Variants in PRRC1 observed in about 807,000 individuals in gnomAD.
PRRC1 encodes protein PRRC1.
A neutral mutation model predicts 40.7 loss-of-function variants in PRRC1; 39 were observed. That is an observed-to-expected ratio of 0.96 (90% confidence interval 0.74 to 1.25). PRRC1 has a LOEUF of 1.25. Among genes scored for constraint, PRRC1 ranks in the 50% most tolerant of loss-of-function variants. The pLI is 0.00. For synonymous variants in PRRC1, 175 were observed against 193.3 expected (o/e 0.91, Z 0.79); for missense variants, 573 against 548.3 (o/e 1.05, Z -0.45).
In PRRC1 at chr5:127,553,588, A is replaced by T. The variant is rs1768448463; in HGVS notation, c.*1672A>T. 1.5e-6 allele frequency: 2 copies of T among 1,311,164 alleles called. No homozygotes were observed. The highest frequency in any genetic ancestry group is 3.0e-4 in the Middle Eastern group (1 of 3,306). 81.2% of individuals were successfully genotyped at this position (1,311,164 alleles called of 1,614,324 possible). ...AGTATTTTATCATGGCAATGGCATG[A>T]TGACAACAACAGTCTTTCATTACAG... On this transcript the variant is annotated 3_prime_UTR_variant, in exon 9 of 9. Transcript: ENST00000296666.
chr5:127,530,496 T>C, intron 5 of PRRC1, 100 bp downstream of exon 5: 1 of 624,258 alleles, frequency 1.6e-6, no homozygotes, highest in Non-Finnish European at 2.7e-6. Flanking sequence ...ACTGATTGTG[T>C]AATCAGTGGA....
chr5:127,530,525 G>T, intron 5 of PRRC1, 129 bp downstream of exon 5: 4 of 483,788 alleles, frequency 8.3e-6, no homozygotes, highest in Non-Finnish European at 1.4e-5. Flanking sequence ...TTATATTCTT[G>T]CATTAATTTA....
intron 2 of PRRC1, 59 bp from the exon 3 acceptor site, chr5:127,524,471 TG>T (rs1402863706): frequency 1.3e-6 from 2 of 1,507,958 alleles, no homozygotes; most frequent in Non-Finnish European, 1.8e-6. Flanking sequence ...TTAGACAGTT[TG>T]AAAACTAAAT....
chr5:127,555,037 TTGTAAATA>T lies in PRRC1; in HGVS notation c.*3133_*3140del, dbSNP rs1395992294. On this transcript the variant is annotated 3_prime_UTR_variant, in exon 9 of 9. Coordinates refer to ENST00000296666, the MANE Select transcript of PRRC1 (RefSeq NM_130809.5). ...GATGATGTATTGAGTAAAATCAGTT[TTGTAAATA>T]TGTAAATATGTCATAAATAAACAAT... 7 of 152,672 alleles carry T rather than the reference TTGTAAATA, an allele frequency of 4.6e-5. No homozygotes were observed. The highest frequency in any genetic ancestry group is 9.6e-5 in the African/African-American group (4 of 41,468). 9.5% of individuals were successfully genotyped at this position (152,672 alleles called of 1,614,324 possible). A position where few individuals can be genotyped will look rare whatever the true frequency, so the allele number is the denominator to read the frequency against.
At chr5:127,542,876 T>C (rs1307782733) in intron 7 of PRRC1, among the ~76,000 whole-genome samples, 2 of 152,172 alleles carry the variant, frequency 1.3e-5, no homozygotes, top group East Asian at 3.8e-4. Context: ...CCACTTACAT[T>C]TAAAGTTAAT....
intron 1 of PRRC1, among the ~76,000 whole-genome samples, chr5:127,522,283 A>G (rs980282477): frequency 2.6e-5 from 4 of 152,238 alleles, no homozygotes; most frequent in Non-Finnish European, 5.9e-5. Flanking sequence ...CATTTTTGCT[A>G]TAGTTAACTT....
intron 3 of PRRC1, 38 bp from the exon 4 acceptor site, chr5:127,526,580 A>G (rs1767619107): frequency 6.6e-7 from 1 of 1,520,980 alleles, no homozygotes; most frequent in South Asian, 1.3e-5. Context: ...AAGTTTATGG[A>G]ATAAATTATA....
Position 127,551,804 on chromosome 5 carries a change from G to C in PRRC1, c.1226G>C (p.Arg409Pro). 1 of 1,614,046 alleles carries C rather than the reference G, an allele frequency of 6.2e-7. No homozygotes were observed. ...GAAAAGAGTTTACTGAATGTCAGCC[G>C]GACTGATTGGCACATGGCATTTACT... ...VLEKSLLNVS[R>P]TDWHMAFTGM... Residue 409 changes from arginine (R) to proline (P), a missense_variant, in exon 9 of 9, where the codon CGG becomes CCG. By Grantham distance (103) the Arg-to-Pro change is moderately radical. Transcript: ENST00000296666.
intron 6 of PRRC1, among the ~76,000 whole-genome samples, chr5:127,537,328 A>C (rs1164626492): frequency 6.6e-6 from 1 of 151,914 alleles, no homozygotes; most frequent in Non-Finnish European, 1.5e-5. Flanking sequence ...ATATTGCTAA[A>C]AAATAAAATC....
At chr5:127,527,554 A>G (rs961753609) in intron 4 of PRRC1, among the ~76,000 whole-genome samples, 1 of 151,870 alleles carries the variant, frequency 6.6e-6, no homozygotes, top group South Asian at 2.1e-4. Flanking sequence ...GGAGTTCTGT[A>G]TGAGACCAGC....
At chr5:127,530,916 C>T (rs1767751359) in intron 5 of PRRC1, among the ~76,000 whole-genome samples, 2 of 152,054 alleles carry the variant, frequency 1.3e-5, no homozygotes, top group Admixed American at 6.5e-5. Flanking sequence ...CAGAATCATC[C>T]AGACAGTTGA....
chr5:127,518,405 C>T (rs1767371883), intron 1 of PRRC1, among the ~76,000 whole-genome samples: 5 of 152,240 alleles, frequency 3.3e-5, no homozygotes, highest in Admixed American at 3.3e-4. Context: ...GGCAAATTTG[C>T]AGATAGCACG....
chr5:127,554,024 C>A lies in PRRC1; in HGVS notation c.*2108C>A. On this transcript the variant is annotated 3_prime_UTR_variant, in exon 9 of 9. Transcript: ENST00000296666. ...TTGAAAAGCAGCGGAGCATGACTGACTTCACATGCTCAGCTTTCTCAGCCT... is the reference window on the plus strand; with the variant it reads ...TTGAAAAGCAGCGGAGCATGACTGAATTCACATGCTCAGCTTTCTCAGCCT... 1 of 899,296 alleles carries A rather than the reference C, an allele frequency of 1.1e-6. No individual in the cohort carries two copies. The highest frequency in any genetic ancestry group is 1.6e-6 in the Non-Finnish European group (1 of 620,104). The allele number at this position is 899,296 out of a possible 1,614,324, so 55.7% of individuals were successfully genotyped here.
chr5:127,542,124 G>A (rs1437361387), intron 7 of PRRC1, among the ~76,000 whole-genome samples: 5 of 152,068 alleles, frequency 3.3e-5, no homozygotes, highest in Admixed American at 6.6e-5. Flanking sequence ...CCTTCATTTT[G>A]TTATGTACCC....
At chr5:127,528,377 C>T (rs9327444) in intron 4 of PRRC1, among the ~76,000 whole-genome samples, 3,911 of 151,954 alleles carry the variant, frequency 0.026, 167 homozygotes, top group African/African-American at 0.089. Flanking sequence ...TGCAGTGGTG[C>T]GATCTTGGCT....
At position 127,539,052 on chromosome 5, in the gene PRRC1, C is replaced by T. The variant is rs145201631; in HGVS notation, c.934C>T (p.Arg312Trp). The T allele has an allele frequency of 2.9e-5, 47 of 1,612,404 alleles. No homozygotes were observed. In the Admixed American group the frequency reaches 3.0e-4, roughly 10 times the overall value. The change falls in exon 7 of 9, where the codon CGG (arginine) becomes TGG (tryptophan). Residue 312 changes from arginine to tryptophan, a missense_variant. Coordinates refer to ENST00000296666, the MANE Select transcript of PRRC1 (RefSeq NM_130809.5). ...YAAGLKGAQE[R>W]IDSLRRTGVI... ...CATTGTTGTTTAGGGTGCTCAGGAA[C>T]GGATAGATAGCTTGCGTCGAACTGG...
rs535578174 is a variant in PRRC1 at position 127,527,054 on chromosome 5, A to T, written c.654+276A>T. ...ATATCATGGATATCTTCCTGGCCGT[A>T]AAATATTTTTTTCAGAAATGTATTT... On this transcript the variant is annotated intron_variant, in intron 4 of 8. Coordinates refer to ENST00000296666, the MANE Select transcript of PRRC1 (RefSeq NM_130809.5). 2.6e-5 allele frequency among the ~76,000 whole-genome samples: 4 copies of T among 152,326 alleles called. No individual in the cohort carries two copies. The East Asian group carries it at 7.7e-4, about 29-fold the overall frequency.
rs1164093451 is a variant in PRRC1 at position 127,554,081 on chromosome 5, G to A, written c.*2165G>A. ...TATTTTGTTGTCCTTAGATTTCCCT[G>A]TTGTAAAAGGGGCAAGAAAAGTAAC... On this transcript the variant is annotated 3_prime_UTR_variant, in exon 9 of 9. Coordinates refer to ENST00000296666, the MANE Select transcript of PRRC1 (RefSeq NM_130809.5). The A allele has an allele frequency of 1.2e-5, 7 of 585,640 alleles. No homozygotes were observed. The highest frequency in any genetic ancestry group is 2.6e-5 in the South Asian group (1 of 38,128). The allele number at this position is 585,640 out of a possible 1,614,324, so 36.3% of individuals were successfully genotyped here.
chr5:127,553,399 A>G lies in PRRC1; in HGVS notation c.*1483A>G. The G allele has an allele frequency of 9.7e-7, 1 of 1,028,458 alleles. No homozygotes were observed. The highest frequency in any genetic ancestry group is 1.2e-6 in the Non-Finnish European group (1 of 858,920). The allele number at this position is 1,028,458 out of a possible 1,614,324, so 63.7% of individuals were successfully genotyped here. ...TCAGTGAATATCAGACTTCCGTGTC[A>G]TTAAAAGTCATGAGAGACAGCACAG... On this transcript the variant is annotated 3_prime_UTR_variant, in exon 9 of 9. Coordinates refer to ENST00000296666, the MANE Select transcript of PRRC1 (RefSeq NM_130809.5).
Sources: allele counts gnomAD v4.1 joint callset (sites outside exome capture counted in the v4.1 genomes callset), GRCh38; gene constraint gnomAD v4.1.1; transcripts MANE v1.5; gene names NCBI Gene and HGNC (gene_info 2026-07-23, HGNC 2026-07-21).